Variants in NCF2 observed in about 807,000 individuals in gnomAD.
The protein encoded by NCF2 is neutrophil cytosol factor 2.
In NCF2, 45 loss-of-function variants were observed where a neutral mutation model predicts 70.9. The observed-to-expected ratio is 0.63, with a 90% CI of 0.50 to 0.81. The LOEUF (loss-of-function observed/expected upper bound fraction) is 0.81. NCF2 is among the 40% of genes least tolerant of loss of function. The probability of loss-of-function intolerance (pLI) is 0.00; values close to 1 mark genes in which losing one functional copy is unlikely to be tolerated. For missense variants in NCF2, 522 were observed against 631.6 expected (o/e 0.83, Z 1.86); for synonymous variants, 203 against 233.6 (o/e 0.87, Z 1.19).
intron 2 of NCF2, among the ~76,000 whole-genome samples, chr1:183,585,581 C>T (rs979906426): frequency 2.0e-5 from 3 of 146,488 alleles, no homozygotes; most frequent in Non-Finnish European, 3.0e-5. Flanking sequence ...GCCGAGATCG[C>T]GCCACTGCAC....
chr1:183,563,981 A>G, intron 11 of NCF2, 24 bp downstream of exon 11: 1 of 1,596,542 alleles, frequency 6.3e-7, no homozygotes, highest in Non-Finnish European at 8.6e-7. Context: ...TACCACTTGA[A>G]ACAGTATGAG....
intron 13 of NCF2, among the ~76,000 whole-genome samples, chr1:183,561,922 G>C (rs1410918990): frequency 6.7e-6 from 1 of 148,850 alleles, no homozygotes; most frequent in Non-Finnish European, 1.5e-5. Context: ...AGCCTCCCAA[G>C]TAGCTGGGAC....
chr1:183,573,747 A>C (rs988497784), intron 4 of NCF2, among the ~76,000 whole-genome samples: 4 of 152,248 alleles, frequency 2.6e-5, no homozygotes, highest in African/African-American at 9.6e-5. Flanking sequence ...AGCCTTATTC[A>C]CAAATATGCT....
intron 1 of NCF2, among the ~76,000 whole-genome samples, chr1:183,587,595 CAAAAAAAAAAAA>C (rs11287969): frequency 9.8e-4 from 41 of 41,890 alleles, no homozygotes; most frequent in African/African-American, 1.9e-3. Context: ...CACCCTGTCT[CAAAAAAAAAAAA>C]AAAAAAAAAA....
rs979540396 is a variant in NCF2 at position 183,560,245 on chromosome 1, T to G, written c.1319A>C (p.Lys440Thr). ...VGDQGFPDEP[K>T]ESEKADANNQ... The stretch of plus-strand genomic sequence containing the variant: ...ATTAGCATCAGCTTTTTCACTTTCC[T>G]TGGGTTCATCTGGAAAGCCTTGGTC... Residue 440 changes from lysine to threonine, a missense_variant, in exon 14 of 15, where the codon AAG (lysine) becomes ACG (threonine). Transcript: ENST00000367535. 1.2e-6 allele frequency: 2 copies of G among 1,614,074 alleles called. No individual in the cohort carries two copies. Among genetic ancestry groups the G allele is most frequent in the African/African-American group, 2.7e-5 (2 of 74,914 alleles).
the NCF2 span, among the ~76,000 whole-genome samples, chr1:183,599,423 C>CTTCCTTCT: frequency 7.4e-4 from 80 of 107,508 alleles, no homozygotes; most frequent in African/African-American, 1.7e-3. Flanking sequence ...TCTTTCTTTC[C>CTTCCTTCT]TTCTTTCTTT....
At chr1:183,598,400 CAGGA>C in the NCF2 span, among the ~76,000 whole-genome samples, 1 of 151,896 alleles carries the variant, frequency 6.6e-6, no homozygotes, top group Admixed American at 6.6e-5. Flanking sequence ...ATGTGTTACT[CAGGA>C]ATACGGAGAT....
At chr1:183,600,400 G>T in the NCF2 span, among the ~76,000 whole-genome samples, 1 of 152,208 alleles carries the variant, frequency 6.6e-6, no homozygotes, top group African/African-American at 2.4e-5. Context: ...ACCTGCCCTA[G>T]CCAGAGACAT....
chr1:183,566,166 C>T (rs1421282421), intron 9 of NCF2, among the ~76,000 whole-genome samples: 1 of 152,204 alleles, frequency 6.6e-6, no homozygotes, highest in Admixed American at 6.5e-5. Context: ...CTTTTCAAAG[C>T]ATTTGGATAT....
intron 2 of NCF2, among the ~76,000 whole-genome samples, chr1:183,584,052 G>A (rs369360884): frequency 3.3e-5 from 5 of 152,120 alleles, no homozygotes; most frequent in East Asian, 1.9e-4. Flanking sequence ...TATTTAAGAG[G>A]TCAACCTGAT....
rs778521448 is a variant in NCF2 at position 183,565,758 on chromosome 1, C to T, written c.946G>A (p.Asp316Asn). ...QPQEESSPQS[D>N]IPAPPSSKAP... ...TTGGAACTAGGAGGAGCTGGGATGT[C>T]GGACTGCGGAGAGCTTTCCTCCTGA... Residue 316 changes from aspartate (D) to asparagine (N), a missense_variant, in exon 10 of 15, where the codon GAC becomes AAC. Asp to Asn is a conservative substitution (Grantham distance 23). Coordinates refer to ENST00000367535, the MANE Select transcript of NCF2 (RefSeq NM_000433.4). The T allele has an allele frequency of 9.3e-6, 15 of 1,613,186 alleles. No homozygotes were observed. The highest frequency in any genetic ancestry group is 6.7e-5 in the East Asian group (3 of 44,892).
At position 183,555,998 on chromosome 1, in the gene NCF2, A is replaced by C; in HGVS notation, c.*120T>G. On this transcript the variant is annotated 3_prime_UTR_variant, in exon 15 of 15. Coordinates refer to ENST00000367535, the MANE Select transcript of NCF2 (RefSeq NM_000433.4). ...CTAGTAGGTTAAATTTTAACAGGGA[A>C]TAAATAGTTAACACTTCCAAACTGT... 1.2e-6 allele frequency: 1 copy of C among 858,950 alleles called. No homozygotes were observed. The highest frequency in any genetic ancestry group is 1.9e-6 in the Non-Finnish European group (1 of 514,810). 53.2% of individuals were successfully genotyped at this position (858,950 alleles called of 1,614,324 possible).
At chr1:183,577,963 TCTC>T (rs1394642844) in intron 2 of NCF2, among the ~76,000 whole-genome samples, 6 of 152,186 alleles carry the variant, frequency 3.9e-5, no homozygotes, top group Non-Finnish European at 8.8e-5. Flanking sequence ...GGGAGTTTCT[TCTC>T]TATTGACTGC....
Position 183,573,251 on chromosome 1 carries a change from C to T in NCF2, c.543G>A (p.Lys181=), listed in dbSNP as rs1672648287. Residue 181 remains lysine, a synonymous_variant, in exon 5 of 15, where the codon AAG becomes AAA. Coordinates refer to ENST00000367535, the MANE Select transcript of NCF2 (RefSeq NM_000433.4). ...CTTGTCTCTCATTTGGTCGAAACAG[C>T]TTGCCCACAGGGATCACCACTGGCT... ...LYEPVVIPVG[K]LFRPNERQVA... is the part of the protein sequence containing the mutation. The T allele has an allele frequency of 6.2e-7, 1 of 1,614,026 alleles. No homozygotes were observed. Among genetic ancestry groups the T allele is most frequent in the African/African-American group, 1.3e-5 (1 of 74,920 alleles).
rs547801762 is a variant in NCF2 at position 183,579,611 on chromosome 1, C to T, written c.258-1904G>A. 6.5e-4 allele frequency among the ~76,000 whole-genome samples: 98 copies of T among 151,608 alleles called. No individual in the cohort carries two copies. The Middle Eastern group carries it at 0.02, about 32-fold the overall frequency. ...AAAATTAGCTGGGCATGGTGGTGGG[C>T]GCCTGTAGTCCCAGCTACTCAGGAG... On this transcript the variant is annotated intron_variant, in intron 2 of 14. Transcript: ENST00000367535.
chr1:183,581,963 C>T (rs893422782), intron 2 of NCF2, among the ~76,000 whole-genome samples: 7 of 152,130 alleles, frequency 4.6e-5, no homozygotes, highest in East Asian at 1.9e-4. Context: ...CACCTCGCCT[C>T]GCCAACTAAG....
intron 1 of NCF2, 120 bp from the exon 2 acceptor site, chr1:183,587,097 G>A (rs1025132488): frequency 8.9e-6 from 8 of 898,516 alleles, no homozygotes; most frequent in Admixed American, 1.7e-5. Context: ...TGCCCTCGTC[G>A]GCACCTCGAG....
At chr1:183,575,635 G>A (rs536372426) in intron 3 of NCF2, among the ~76,000 whole-genome samples, 37 of 152,160 alleles carry the variant, frequency 2.4e-4, no homozygotes, top group Non-Finnish European at 3.1e-4. Context: ...TGGAAATTAG[G>A]GGGTGTGACA....
In NCF2 at chr1:183,574,518, G is replaced by C; in HGVS notation, c.470C>G (p.Ser157Cys). 6.2e-7 allele frequency: 1 copy of C among 1,614,206 alleles called. No individual in the cohort carries two copies. The change falls in exon 4 of 15, where the codon TCC (serine) becomes TGC (cysteine). Residue 157 changes from serine to cysteine, a missense_variant. Ser to Cys is a moderately radical substitution (Grantham distance 112, BLOSUM62 -1). Coordinates refer to ENST00000367535, the MANE Select transcript of NCF2 (RefSeq NM_000433.4). ...ATSMKSEPRH[S>C]KIDKAMECVW... Reference sequence around the variant, plus strand: ...ACACTCCATCGCCTTGTCGATTTTGGAATGTCTGGGCTCAGACTTCATGCT... The same window carrying C: ...ACACTCCATCGCCTTGTCGATTTTGCAATGTCTGGGCTCAGACTTCATGCT...
Sources: gnomAD v4.1 joint callset for allele counts (sites outside exome capture counted in the v4.1 genomes callset) on GRCh38, gnomAD v4.1.1 for gene constraint, MANE v1.5 for transcripts, NCBI Gene and HGNC (gene_info 2026-07-23, HGNC 2026-07-21) for gene names.